GXYLT1: variants seen among roughly 807,000 people sequenced by gnomAD.
The protein encoded by GXYLT1 is glycosyltransferase 8 domain containing 3.
In GXYLT1, 29 loss-of-function variants were observed where a neutral mutation model predicts 54.0. That is an observed-to-expected ratio of 0.54 (90% confidence interval 0.40 to 0.73). GXYLT1 has a LOEUF of 0.73. Among genes scored for constraint, GXYLT1 ranks in the 30% least tolerant of loss-of-function variants. The probability of loss-of-function intolerance (pLI) is 0.00; values close to 1 mark genes in which losing one functional copy is unlikely to be tolerated. For synonymous variants in GXYLT1, 176 were observed against 204.1 expected, an observed-to-expected ratio of 0.86 and a Z score of 1.17; for missense variants, 490 against 553.4, an observed-to-expected ratio of 0.89 and a Z score of 1.15.
chr12:42,140,472 C>A (rs2065645789), intron 1 of GXYLT1, among the ~76,000 whole-genome samples: 1 of 152,140 alleles, frequency 6.6e-6, no homozygotes, highest in Non-Finnish European at 1.5e-5. Context: ...AGGCACCATA[C>A]TAGGTACTCT....
At chr12:42,120,399 T>A (rs190813837) in intron 2 of GXYLT1, among the ~76,000 whole-genome samples, 1 of 152,354 alleles carries the variant, frequency 6.6e-6, no homozygotes, top group African/African-American at 2.4e-5. Flanking sequence ...AACACTAGTA[T>A]GTCTTTAGAA....
chr12:42,102,043 A>G (rs1041501029), intron 5 of GXYLT1, among the ~76,000 whole-genome samples: 5 of 152,230 alleles, frequency 3.3e-5, no homozygotes, highest in African/African-American at 1.2e-4. Context: ...CATAACATTT[A>G]AAACAGAAAA....
Position 42,109,693 on chromosome 12 carries a change from T to C in GXYLT1, c.487-2A>G. Reference sequence around the variant, plus strand: ...TTGTAGAAATGACCAGTTGTCAAGCTAAAACAATTTAAAAAAAAACTGTTT... The same window carrying C: ...TTGTAGAAATGACCAGTTGTCAAGCCAAAACAATTTAAAAAAAAACTGTTT... On this transcript the variant is annotated splice_acceptor_variant, in intron 3 of 7. Coordinates refer to ENST00000398675, the MANE Select transcript of GXYLT1 (RefSeq NM_173601.2). LOFTEE classifies it high-confidence loss of function. 1 of 1,461,400 alleles carries C rather than the reference T, an allele frequency of 6.8e-7. No homozygotes were observed. The highest frequency in any genetic ancestry group is 1.3e-5 in the South Asian group (1 of 79,054). The allele number at this position is 1,461,400 out of a possible 1,614,324, so 90.5% of individuals were successfully genotyped here. A position where few individuals can be genotyped will look rare whatever the true frequency, so the allele number is the denominator to read the frequency against.
chr12:42,125,131 T>C (rs1488427292), intron 2 of GXYLT1, among the ~76,000 whole-genome samples: 1 of 152,086 alleles, frequency 6.6e-6, no homozygotes, highest in Non-Finnish European at 1.5e-5. Flanking sequence ...TATAATTGTT[T>C]GGGAAATGAT....
intron 5 of GXYLT1, among the ~76,000 whole-genome samples, chr12:42,100,043 T>A (rs548286191): frequency 5.3e-5 from 8 of 152,346 alleles, no homozygotes; most frequent in East Asian, 1.9e-4. Flanking sequence ...CTTTTTCAGA[T>A]ACTGAATGTA....
chr12:42,132,102 A>T (rs1418799577), intron 1 of GXYLT1, among the ~76,000 whole-genome samples: 2 of 152,224 alleles, frequency 1.3e-5, no homozygotes, highest in Non-Finnish European at 2.9e-5. Context: ...TACCATTTGC[A>T]GCCTCAACTT....
At position 42,138,282 on chromosome 12, in the gene GXYLT1, C is replaced by CAAAT. The variant is rs200653907; in HGVS notation, c.221+6140_221+6143dup. Among the ~76,000 whole-genome samples the CAAAT allele has an allele frequency of 1.2e-3, 177 of 152,212 alleles. 1 individual carries two copies. Among genetic ancestry groups the CAAAT allele is most frequent in the East Asian group, 0.011 (57 of 5,178 alleles). On this transcript the variant is annotated intron_variant, in intron 1 of 7. Transcript: ENST00000398675. Reference sequence around the variant, plus strand: ...CGTCTGGGTGACAGAGACTGCGTCTCAAATAAATAAATAAATAAACAAACA... The same window carrying CAAAT: ...CGTCTGGGTGACAGAGACTGCGTCTCAAATAAATAAATAAATAAATAAACAAACA...
intron 5 of GXYLT1, among the ~76,000 whole-genome samples, chr12:42,100,573 T>A (rs890910704): frequency 2.0e-5 from 3 of 151,622 alleles, no homozygotes; most frequent in Non-Finnish European, 4.4e-5. Flanking sequence ...AAAATCCACA[T>A]ACTTAAATTG....
At chr12:42,128,222 T>C (rs2065574338) in intron 2 of GXYLT1, among the ~76,000 whole-genome samples, 1 of 152,142 alleles carries the variant, frequency 6.6e-6, no homozygotes, top group Non-Finnish European at 1.5e-5. Flanking sequence ...TTATGTTTAT[T>C]TCAAAACTGC....
chr12:42,101,251 T>C (rs556463368), intron 5 of GXYLT1, among the ~76,000 whole-genome samples: 117 of 152,154 alleles, frequency 7.7e-4, no homozygotes, highest in African/African-American at 2.8e-3. Flanking sequence ...GCAAAGGATA[T>C]GGGCAAGCAG....
intron 2 of GXYLT1, among the ~76,000 whole-genome samples, chr12:42,123,121 G>A (rs373464543): frequency 6.1e-4 from 93 of 152,256 alleles, no homozygotes; most frequent in African/African-American, 2.2e-3. Context: ...GAATAAAGGA[G>A]ACTAACTCAA....
intron 5 of GXYLT1, among the ~76,000 whole-genome samples, chr12:42,098,290 T>C (rs1215133983): frequency 6.6e-6 from 1 of 152,210 alleles, no homozygotes; most frequent in African/African-American, 2.4e-5. Context: ...ACTGTGTCCT[T>C]ATCTTAAAAT....
At chr12:42,107,349 T>C (rs982672375) in intron 4 of GXYLT1, among the ~76,000 whole-genome samples, 1 of 152,144 alleles carries the variant, frequency 6.6e-6, no homozygotes, top group Non-Finnish European at 1.5e-5. Flanking sequence ...GATGGCTGAC[T>C]GCAGGGCCTG....
intron 3 of GXYLT1, among the ~76,000 whole-genome samples, chr12:42,115,426 G>A (rs932065292): frequency 2.0e-5 from 3 of 152,300 alleles, no homozygotes; most frequent in South Asian, 2.1e-4. Flanking sequence ...AGCAACTTCA[G>A]CAAATTCTCA....
At chr12:42,137,654 G>A (rs970485911) in intron 1 of GXYLT1, among the ~76,000 whole-genome samples, 20 of 151,914 alleles carry the variant, frequency 1.3e-4, no homozygotes, top group Middle Eastern at 6.8e-3. Flanking sequence ...CTACTTGGGA[G>A]GCTGAGGCAG....
chr12:42,142,664 G>C (rs1284979583), intron 1 of GXYLT1, among the ~76,000 whole-genome samples: 1 of 152,132 alleles, frequency 6.6e-6, no homozygotes, highest in Admixed American at 6.5e-5. Context: ...TTAATTCTAT[G>C]ACATTTCTAT....
chr12:42,117,710 G>C (rs914802535), intron 3 of GXYLT1, among the ~76,000 whole-genome samples: 1 of 152,128 alleles, frequency 6.6e-6, no homozygotes, highest in South Asian at 2.1e-4. Flanking sequence ...GAGATTTCAG[G>C]TGAGTTTTCT....
chr12:42,108,306 ATCTT>A (rs966505341), intron 4 of GXYLT1, among the ~76,000 whole-genome samples: 6 of 152,302 alleles, frequency 3.9e-5, no homozygotes, highest in South Asian at 4.1e-4. Context: ...AAAACCTCAC[ATCTT>A]TCTTTCATCT....
At position 42,086,547 on chromosome 12, in the gene GXYLT1, G is replaced by C. The variant is rs1210476600; in HGVS notation, c.*1239C>G. 1 of 152,112 alleles carries C rather than the reference G, an allele frequency of 6.6e-6. No individual in the cohort carries two copies. Among genetic ancestry groups the C allele is most frequent in the Non-Finnish European group, 1.5e-5 (1 of 68,008 alleles). 9.4% of individuals were successfully genotyped at this position (152,112 alleles called of 1,614,324 possible). Reference sequence around the variant, plus strand: ...TTGGTAAAATAAGATATGTGCCCCAGCATAGTATATGCTAAGTATTCAGAA... The same window carrying C: ...TTGGTAAAATAAGATATGTGCCCCACCATAGTATATGCTAAGTATTCAGAA... On this transcript the variant is annotated 3_prime_UTR_variant, in exon 8 of 8. Coordinates refer to ENST00000398675, the MANE Select transcript of GXYLT1 (RefSeq NM_173601.2).
Sources: allele counts gnomAD v4.1 joint callset (sites outside exome capture counted in the v4.1 genomes callset), GRCh38; gene constraint gnomAD v4.1.1; transcripts MANE v1.5; gene names NCBI Gene and HGNC (gene_info 2026-07-23, HGNC 2026-07-21).